PARD3B: variants seen among roughly 807,000 people sequenced by gnomAD.
The protein encoded by PARD3B is par-3 family cell polarity regulator beta.
PARD3B carries 103 observed loss-of-function variants against 130.2 expected under a neutral mutation model. The ratio of observed to expected loss-of-function variants is 0.79; its 90% confidence interval spans 0.67 to 0.93. The LOEUF is 0.93. PARD3B is among the 40% of genes least tolerant of loss of function. PARD3B has a pLI of 0.00. For missense variants in PARD3B, 1,609 were observed against 1,499.2 expected (o/e 1.07, Z -1.21); for synonymous variants, 583 against 553.2 (o/e 1.05, Z -0.76).
chr2:205,553,149 T>C (rs1400210390), intron 21 of PARD3B, among the ~76,000 whole-genome samples, 175 bp from the exon 22 acceptor site: 1 of 152,222 alleles, frequency 6.6e-6, no homozygotes, highest in African/African-American at 2.4e-5. Context: ...TTAAATGCCA[T>C]GTTTGTGGCT....
rs770448085 is a variant in PARD3B, at chr2:205,158,109, T to C, written c.1435-613T>C. Among the ~76,000 whole-genome samples, 18 of 152,214 alleles carry C rather than the reference T, an allele frequency of 1.2e-4. No homozygotes were observed. Among genetic ancestry groups the C allele is most frequent in the Non-Finnish European group, 2.5e-4 (17 of 68,030 alleles). On this transcript the variant is annotated intron_variant, in intron 10 of 22. Coordinates refer to ENST00000406610, the MANE Select transcript of PARD3B (RefSeq NM_001302769.2). The surrounding 1 kb of genome is among the most constrained non-coding windows in gnomAD (Gnocchi z 5.4). The stretch of plus-strand genomic sequence containing the variant: ...TACCTGAAGATGCAGGCTGAAAGCA[T>C]GAGTTTTGACAAAGTGAAATTTCAT...
intron 4 of PARD3B, among the ~76,000 whole-genome samples, chr2:205,063,072 A>G (rs534607071): frequency 4.6e-4 from 70 of 151,994 alleles, no homozygotes; most frequent in Non-Finnish European, 9.0e-4. Context: ...TTTCTTAGCA[A>G]TTTGCAAATA....
At position 205,193,335 on chromosome 2, in the gene PARD3B, G is replaced by A; in HGVS notation, c.2140+15G>A. 4 of 1,556,682 alleles carry A rather than the reference G, an allele frequency of 2.6e-6. No homozygotes were observed. The highest frequency in any genetic ancestry group is 2.2e-5 in the East Asian group (1 of 44,558). ...CATGGACCTTGGTAAGCAAGGGTGA[G>A]GTGACATCCAGGTCAGCTCTCCAGC... On this transcript the variant is annotated intron_variant, in intron 15 of 22. Transcript: ENST00000406610.
chr2:205,082,565 G>T (rs1292343195), intron 4 of PARD3B, among the ~76,000 whole-genome samples: 1 of 152,080 alleles, frequency 6.6e-6, no homozygotes, highest in African/African-American at 2.4e-5. Context: ...GGACACTACT[G>T]TAATTTATGT....
At chr2:204,695,638 C>A (rs1002675501) in intron 2 of PARD3B, among the ~76,000 whole-genome samples, 19 of 152,162 alleles carry the variant, frequency 1.2e-4, no homozygotes, top group Admixed American at 7.9e-4. Context: ...ACATTTTGAA[C>A]TGTGATGTAT....
intron 4 of PARD3B, among the ~76,000 whole-genome samples, chr2:205,088,341 A>G (rs970760851): frequency 7.9e-5 from 12 of 152,246 alleles, no homozygotes; most frequent in Admixed American, 4.6e-4. Flanking sequence ...ATCTAGATGC[A>G]TGAGCACATT....
At chr2:205,354,998 C>A (rs1444913726) in intron 18 of PARD3B, among the ~76,000 whole-genome samples, 1 of 152,146 alleles carries the variant, frequency 6.6e-6, no homozygotes, top group East Asian at 1.9e-4. Flanking sequence ...TAAAATAGGA[C>A]TTTGTTTAAC....
intron 1 of PARD3B, among the ~76,000 whole-genome samples, chr2:204,562,233 A>G (rs1019518161): frequency 1.3e-5 from 2 of 152,164 alleles, no homozygotes; most frequent in Non-Finnish European, 2.9e-5. Context: ...GGCCCATAGT[A>G]AAAAAACCAC....
At chr2:205,426,212 A>T (rs1319408883) in intron 19 of PARD3B, among the ~76,000 whole-genome samples, 1 of 152,140 alleles carries the variant, frequency 6.6e-6, no homozygotes, top group African/African-American at 2.4e-5. Context: ...GATCACAAAG[A>T]TTGCATGTAA....
At chr2:204,764,871 G>T (rs548282030) in intron 2 of PARD3B, among the ~76,000 whole-genome samples, 2 of 151,784 alleles carry the variant, frequency 1.3e-5, no homozygotes, top group Non-Finnish European at 2.9e-5. Flanking sequence ...TCCCTCCTGC[G>T]CTGGCTCTTA....
At chr2:205,512,354 A>G (rs1188515255) in intron 21 of PARD3B, among the ~76,000 whole-genome samples, 1 of 152,202 alleles carries the variant, frequency 6.6e-6, no homozygotes, top group Non-Finnish European at 1.5e-5. Context: ...AAGAAAGAAT[A>G]TAATGTTGCT....
chr2:204,945,448 C>T (rs1689242929), intron 2 of PARD3B, among the ~76,000 whole-genome samples: 1 of 152,158 alleles, frequency 6.6e-6, no homozygotes, highest in South Asian at 2.1e-4. Flanking sequence ...AAAGGGAAAG[C>T]TTCTCATCTC....
chr2:205,158,597 G>A lies in PARD3B; in HGVS notation c.1435-125G>A, dbSNP rs1250793437. 2.8e-5 allele frequency: 27 copies of A among 981,760 alleles called. No homozygotes were observed. Among genetic ancestry groups the A allele is most frequent in the East Asian group, 1.2e-4 (5 of 41,122 alleles). 60.8% of individuals were successfully genotyped at this position (981,760 alleles called of 1,614,324 possible). The stretch of plus-strand genomic sequence containing the variant: ...ACCCAGCCTTTGCCTGCCAGGAGCC[G>A]ATTACAGCTGTGAGAGGTCCAGTCA... On this transcript the variant is annotated intron_variant, in intron 10 of 22. Coordinates refer to ENST00000406610, the MANE Select transcript of PARD3B (RefSeq NM_001302769.2). This position sits in a 1 kb window ranked among gnomAD's most constrained non-coding sequence, Gnocchi z 5.4.
chr2:204,592,876 A>G (rs1290114193), intron 1 of PARD3B, among the ~76,000 whole-genome samples: 3 of 152,214 alleles, frequency 2.0e-5, no homozygotes, highest in Non-Finnish European at 4.4e-5. Context: ...GGAATTGTAC[A>G]ATCAATATGT....
intron 2 of PARD3B, among the ~76,000 whole-genome samples, chr2:204,856,051 C>G (rs1231303943): frequency 6.6e-6 from 1 of 152,040 alleles, no homozygotes; most frequent in African/African-American, 2.4e-5. Flanking sequence ...ATTTCATTTC[C>G]TTTGGAAATA....
chr2:205,357,608 T>C (rs1057026539), intron 18 of PARD3B, among the ~76,000 whole-genome samples: 2 of 152,032 alleles, frequency 1.3e-5, no homozygotes, highest in African/African-American at 4.8e-5. Context: ...TCTGAAGTTT[T>C]GGAACGAAAG....
intron 10 of PARD3B, among the ~76,000 whole-genome samples, chr2:205,156,059 A>G (rs2034107530): frequency 6.6e-6 from 1 of 152,116 alleles, no homozygotes; most frequent in African/African-American, 2.4e-5. Flanking sequence ...TGGCACATAT[A>G]CACCATGGAA....
intron 5 of PARD3B, among the ~76,000 whole-genome samples, chr2:205,111,602 A>G (rs941203514): frequency 2.6e-5 from 4 of 152,110 alleles, no homozygotes; most frequent in South Asian, 2.1e-4. Flanking sequence ...ATGAGAATTC[A>G]TAAAAGGTAT....
chr2:205,290,354 G>A (rs1401870871), intron 16 of PARD3B, among the ~76,000 whole-genome samples: 2 of 152,146 alleles, frequency 1.3e-5, no homozygotes, highest in East Asian at 3.9e-4. Flanking sequence ...TTCTGAGGCA[G>A]CAAAGAAAAT....
Sources: allele counts gnomAD v4.1 joint callset (sites outside exome capture counted in the v4.1 genomes callset), GRCh38; gene constraint gnomAD v4.1.1; non-coding constraint Gnocchi (gnomAD v3.1); transcripts MANE v1.5; gene names NCBI Gene and HGNC (gene_info 2026-07-23, HGNC 2026-07-21).